Variants in PAX7 observed in about 807,000 individuals in gnomAD.
The protein encoded by PAX7 is paired box 7.
A neutral mutation model predicts 50.7 loss-of-function variants in PAX7; 18 were observed. That is an observed-to-expected ratio of 0.36 (90% confidence interval 0.25 to 0.53). The LOEUF (loss-of-function observed/expected upper bound fraction) is 0.53. Among genes scored for constraint, PAX7 ranks in the 20% least tolerant of loss-of-function variants. The pLI, the probability that PAX7 is intolerant of heterozygous loss-of-function variation, is 0.93. For synonymous variants in PAX7, 310 were observed against 290.4 expected (o/e 1.07, Z -0.69); for missense variants, 644 against 702.9 (o/e 0.92, Z 0.95).
intron 7 of PAX7, among the ~76,000 whole-genome samples, chr1:18,731,698 G>C (rs1021981698): frequency 6.6e-6 from 1 of 152,222 alleles, no homozygotes; most frequent in East Asian, 1.9e-4. Context: ...TTGATCCACA[G>C]ACCCCCAGGG....
At position 18,747,394 on chromosome 1, in the gene PAX7, C is replaced by T. The variant is rs1931487110; in HGVS notation, c.*2465C>T. ...ATCTTGGTAGAAAATGGGACTTATT[C>T]CTTGACAGGCCCCACCCCCTTCAGA... On this transcript the variant is annotated 3_prime_UTR_variant, in exon 9 of 9. Coordinates refer to ENST00000420770, the MANE Select transcript of PAX7 (RefSeq NM_001135254.2). The T allele has an allele frequency of 4.4e-6, 1 of 227,556 alleles. No homozygotes were observed. 14.1% of individuals were successfully genotyped at this position (227,556 alleles called of 1,614,324 possible). A position where few individuals can be genotyped will look rare whatever the true frequency, so the allele number is the denominator to read the frequency against.
intron 4 of PAX7, among the ~76,000 whole-genome samples, chr1:18,666,572 A>G (rs1345903311): frequency 2.0e-5 from 3 of 152,184 alleles, no homozygotes; most frequent in South Asian, 2.1e-4. Flanking sequence ...TTAGCCCCCA[A>G]TCTGAGTAAA....
At chr1:18,633,440 G>A (rs1015774709) in intron 1 of PAX7, among the ~76,000 whole-genome samples, 7 of 152,118 alleles carry the variant, frequency 4.6e-5, no homozygotes, top group African/African-American at 1.7e-4. Context: ...CTGTCTTCCC[G>A]GTTCCCAAAG....
Position 18,744,814 on chromosome 1 carries a change from C to T in PAX7, c.1403C>T (p.Thr468Ile). 1 of 1,542,830 alleles carries T rather than the reference C, an allele frequency of 6.5e-7. No homozygotes were observed. The change falls in exon 9 of 9, where the codon ACT (threonine) becomes ATT (isoleucine). Residue 468 changes from threonine (T) to isoleucine (I), a missense_variant and splice_region_variant. Transcript: ENST00000420770. ...TAGGAGAGTCTCTTCTTTTTTCCAG[C>T]TGCTGTTGATTATCTGGCCAAAAAT... ...AGYQYGQYGQ[T>I]AVDYLAKNVS...
In PAX7 at chr1:18,703,270, C is replaced by G. The variant is rs1424439940; in HGVS notation, c.1129C>G (p.Pro377Ala). Residue 377 changes from proline to alanine, a missense_variant, in exon 7 of 9, where the codon CCG becomes GCG. By Grantham distance (27) the Pro-to-Ala change is conservative. Coordinates refer to ENST00000420770, the MANE Select transcript of PAX7 (RefSeq NM_001135254.2). ...GGCGGCGCCCTCCAACCACATGAAC[C>G]CGGTCAGCAACGGCCTGTCTCCTCA... is the stretch of plus-strand genomic sequence containing the variant. ...NPAAPSNHMN[P>A]VSNGLSPQVM... The G allele has an allele frequency of 6.2e-7, 1 of 1,614,054 alleles. No homozygotes were observed. Among genetic ancestry groups the G allele is most frequent in the East Asian group, 2.2e-5 (1 of 44,904 alleles).
chr1:18,717,776 G>T (rs1397833523), intron 7 of PAX7, among the ~76,000 whole-genome samples: 3 of 152,196 alleles, frequency 2.0e-5, no homozygotes, highest in Non-Finnish European at 4.4e-5. Flanking sequence ...CCCATTCTGT[G>T]CACAGAGGAT....
chr1:18,634,652 G>T lies in PAX7; in HGVS notation c.321+114G>T. 1 of 779,572 alleles carries T rather than the reference G, an allele frequency of 1.3e-6. No individual in the cohort carries two copies. 48.3% of individuals were successfully genotyped at this position (779,572 alleles called of 1,614,324 possible). A position where few individuals can be genotyped will look rare whatever the true frequency, so the allele number is the denominator to read the frequency against. ...GGCTGTAGGAAAGTACAGCTGGAGG[G>T]TGTCTTCTACTCCCAGATGTCCTCC... is the stretch of plus-strand genomic sequence containing the variant. On this transcript the variant is annotated intron_variant, in intron 2 of 8. Transcript: ENST00000420770. The surrounding 1 kb of genome is among the most constrained non-coding windows in gnomAD (Gnocchi z 4.0).
rs1470868184 is a variant in PAX7, at chr1:18,634,555, C to T, written c.321+17C>T. The T allele has an allele frequency of 6.2e-7, 1 of 1,606,258 alleles. No individual in the cohort carries two copies. Among genetic ancestry groups the T allele is most frequent in the South Asian group, 1.1e-5 (1 of 90,864 alleles). ...AAGCCCAGAGTGAGTGTCTTTGCCA[C>T]AGAGGCTGGCAGCTGGCTTCCTATA... On this transcript the variant is annotated intron_variant, in intron 2 of 8. Transcript: ENST00000420770. This position sits in a 1 kb window ranked among gnomAD's most constrained non-coding sequence, Gnocchi z 4.0.
In PAX7 at chr1:18,711,955, A is replaced by T. The variant is rs190965890; in HGVS notation, c.1155+8659A>T. On this transcript the variant is annotated intron_variant, in intron 7 of 8. Transcript: ENST00000420770. ...GAGACTGCTCCCCTGCCCCACCCAA[A>T]CCACATCCACCAGCCCCTGGTCACA... 1.7e-3 allele frequency among the ~76,000 whole-genome samples: 254 copies of T among 152,054 alleles called. 1 individual carries two copies. The highest frequency in any genetic ancestry group is 5.2e-3 in the African/African-American group (214 of 41,456).
intron 4 of PAX7, among the ~76,000 whole-genome samples, chr1:18,680,911 ACTTTGGGAGG>A (rs2088889686): frequency 6.6e-6 from 1 of 152,046 alleles, no homozygotes; most frequent in Non-Finnish European, 1.5e-5. Context: ...TAATCCCAGC[ACTTTGGGAGG>A]CTTTGGGAGG....
In PAX7 at chr1:18,705,382, G is replaced by A. The variant is rs981146202; in HGVS notation, c.1155+2086G>A. Among the ~76,000 whole-genome samples the A allele has an allele frequency of 2.0e-5, 3 of 152,178 alleles. No individual in the cohort carries two copies. In the East Asian group the frequency reaches 5.8e-4, roughly 29 times the overall value. ...AATAGGGTCCAGGCGTGGCTTGGTGGTACAAAACAAATTTGGGGGAGTGTC... is the reference window on the plus strand; with the variant it reads ...AATAGGGTCCAGGCGTGGCTTGGTGATACAAAACAAATTTGGGGGAGTGTC... On this transcript the variant is annotated intron_variant, in intron 7 of 8. Coordinates refer to ENST00000420770, the MANE Select transcript of PAX7 (RefSeq NM_001135254.2).
In PAX7 at chr1:18,745,309, C is replaced by T. The variant is rs1931386554; in HGVS notation, c.*380C>T. On this transcript the variant is annotated 3_prime_UTR_variant, in exon 9 of 9. Coordinates refer to ENST00000420770, the MANE Select transcript of PAX7 (RefSeq NM_001135254.2). ...AGGTCCTACAGCCCTTTGGACCCAA[C>T]TCCAGTGGGGGCCCTAGCTAGAAGT... The T allele has an allele frequency of 3.6e-6, 1 of 280,174 alleles. No individual in the cohort carries two copies. The highest frequency in any genetic ancestry group is 4.7e-5 in the Admixed American group (1 of 21,356). 17.4% of individuals were successfully genotyped at this position (280,174 alleles called of 1,614,324 possible). A position where few individuals can be genotyped will look rare whatever the true frequency, so the allele number is the denominator to read the frequency against.
At chr1:18,737,119 G>A (rs1930751647) in intron 8 of PAX7, among the ~76,000 whole-genome samples, 2 of 152,264 alleles carry the variant, frequency 1.3e-5, no homozygotes, top group African/African-American at 4.8e-5. Flanking sequence ...TCCACCGCCT[G>A]GCAAGGCCAG....
chr1:18,676,709 G>C (rs1015712794), intron 4 of PAX7, among the ~76,000 whole-genome samples: 1 of 152,094 alleles, frequency 6.6e-6, no homozygotes, highest in Non-Finnish European at 1.5e-5. Context: ...TGCTGCACAC[G>C]CAACTTAGGA....
At chr1:18,686,902 A>T (rs851119) in intron 4 of PAX7, among the ~76,000 whole-genome samples, 138,836 of 149,046 alleles carry the variant, frequency 0.93, 64,868 homozygotes, top group African/African-American at 0.98. Flanking sequence ...TATTATTATT[A>T]TTTTTTGAGA....
intron 8 of PAX7, among the ~76,000 whole-genome samples, chr1:18,744,088 G>A (rs141227845): frequency 1.6e-4 from 24 of 152,240 alleles, no homozygotes; most frequent in Non-Finnish European, 3.1e-4. Flanking sequence ...TCTGTGTCCT[G>A]GCTCCTTCTG....
intron 6 of PAX7, among the ~76,000 whole-genome samples, chr1:18,702,265 G>A (rs1316687083): frequency 3.3e-5 from 5 of 152,250 alleles, no homozygotes; most frequent in African/African-American, 1.2e-4. Context: ...CTTGAACCCG[G>A]GAGGCGGAGG....
At chr1:18,727,756 G>A (rs185184907) in intron 7 of PAX7, among the ~76,000 whole-genome samples, 1 of 152,346 alleles carries the variant, frequency 6.6e-6, no homozygotes, top group East Asian at 1.9e-4. Context: ...GGAACCAGGA[G>A]TCAGGGGGCT....
chr1:18,633,468 G>A (rs938776463), intron 1 of PAX7, among the ~76,000 whole-genome samples: 2 of 152,236 alleles, frequency 1.3e-5, no homozygotes, highest in Non-Finnish European at 2.9e-5. Context: ...CACCCGGGGG[G>A]ACTGTGTCCC....
Sources: allele counts gnomAD v4.1 joint callset (sites outside exome capture counted in the v4.1 genomes callset), GRCh38; gene constraint gnomAD v4.1.1; non-coding constraint Gnocchi (gnomAD v3.1); transcripts MANE v1.5; gene names NCBI Gene and HGNC (gene_info 2026-07-23, HGNC 2026-07-21).